CCDC88A: variants seen among roughly 807,000 people sequenced by gnomAD.
The protein encoded by CCDC88A is girdin.
CCDC88A carries 54 observed loss-of-function variants against 234.3 expected under a neutral mutation model. That is an observed-to-expected ratio of 0.23 (90% confidence interval 0.19 to 0.29). The LOEUF (loss-of-function observed/expected upper bound fraction) is 0.29, where lower values mean the gene tolerates loss of function less well. Among genes scored for constraint, CCDC88A ranks in the 10% least tolerant of loss-of-function variants. The pLI is 1.00. For synonymous variants in CCDC88A, 753 were observed against 737.8 expected (o/e 1.02, Z -0.33); for missense variants, 1,832 against 2,123.4 (o/e 0.86, Z 2.70).
chr2:55,418,079 T>G (rs1681770301), intron 2 of CCDC88A: 1 of 152,192 alleles, frequency 6.6e-6, no homozygotes, highest in South Asian at 2.1e-4. Context: ...ACTTTCACTA[T>G]TCAATTCCCA....
intron 29 of CCDC88A, among the ~76,000 whole-genome samples, chr2:55,298,716 CAAA>C (rs961779603): frequency 2.6e-5 from 4 of 151,384 alleles, no homozygotes. Context: ...AACAAAAATA[CAAA>C]AAAACTAGCT....
At chr2:55,323,780 T>G in intron 17 of CCDC88A, 1 of 152,218 alleles carries the variant, frequency 6.6e-6, no homozygotes, top group Non-Finnish European at 1.5e-5. Flanking sequence ...GATGCGATCT[T>G]GGCACCCTGC....
At chr2:55,318,398 T>C (rs537970921) in intron 19 of CCDC88A, among the ~76,000 whole-genome samples, 3 of 151,744 alleles carry the variant, frequency 2.0e-5, no homozygotes, top group East Asian at 1.9e-4. Context: ...CCCCACCTGA[T>C]TGTTCTGTTT....
rs1039658299 is a variant in CCDC88A at position 55,378,585 on chromosome 2, C to T, written c.274-3702G>A. Among the ~76,000 whole-genome samples the T allele has an allele frequency of 1.1e-4, 13 of 113,328 alleles. 1 individual carries two copies. Among genetic ancestry groups the T allele is most frequent in the African/African-American group, 3.6e-4 (13 of 35,688 alleles). The allele number at this position is 113,328 out of a possible 152,430, so 74.3% of individuals were successfully genotyped here. On this transcript the variant is annotated intron_variant, in intron 3 of 32. Transcript: ENST00000436346. ...AAACCTTAGAGTTAATGAGGAAAAA[C>T]TCTATTTTCAAGTATTAAGTTATGT...
intron 25 of CCDC88A, among the ~76,000 whole-genome samples, chr2:55,306,620 C>A (rs1387912366): frequency 6.6e-6 from 1 of 152,172 alleles, no homozygotes; most frequent in Non-Finnish European, 1.5e-5. Context: ...AAGTCTCGCC[C>A]TGTCACCTAG....
At chr2:55,410,248 C>T (rs1680255828) in intron 2 of CCDC88A, among the ~76,000 whole-genome samples, 1 of 152,136 alleles carries the variant, frequency 6.6e-6, no homozygotes, top group African/African-American at 2.4e-5. Flanking sequence ...TGCGTGCATG[C>T]AAGGTGTTCA....
rs1169480335 is a variant in CCDC88A, at chr2:55,416,492, A to ATC, written c.164+2323_164+2324insGA. On this transcript the variant is annotated intron_variant, in intron 2 of 32. Coordinates refer to ENST00000436346, the MANE Select transcript of CCDC88A (RefSeq NM_001365480.1). ...TATATATATATATATATATATGTAT[A>ATC]TATTTTCTTCTAGGAATAATGACTG... is the stretch of plus-strand genomic sequence containing the variant. Among the ~76,000 whole-genome samples the ATC allele has an allele frequency of 3.1e-3, 203 of 66,444 alleles. 7 individuals are homozygous for ATC. The highest frequency in any genetic ancestry group is 5.1e-3 in the East Asian group (10 of 1,948). 43.6% of individuals were successfully genotyped at this position (66,444 alleles called of 152,430 possible). A position where few individuals can be genotyped will look rare whatever the true frequency, so the allele number is the denominator to read the frequency against.
At position 55,315,992 on chromosome 2, in the gene CCDC88A, G is replaced by A; in HGVS notation, c.3869C>T (p.Ser1290Leu). 1 of 1,587,544 alleles carries A rather than the reference G, an allele frequency of 6.3e-7. No individual in the cohort carries two copies. The highest frequency in any genetic ancestry group is 1.2e-5 in the South Asian group (1 of 86,404). The change falls in exon 22 of 33, where the codon TCA becomes TTA. Residue 1290 changes from serine to leucine, a missense_variant. Transcript: ENST00000436346. The stretch of plus-strand genomic sequence containing the variant: ...TTGTTGGTATTGTTCCTTTAGTTTT[G>A]AAAATTCAGCTTCTAATCTTGTTTG... ...LEQTRLEAEF[S>L]KLKEQYQQLD...
At chr2:55,299,157 T>G (rs1680580392) in intron 29 of CCDC88A, among the ~76,000 whole-genome samples, 1 of 151,924 alleles carries the variant, frequency 6.6e-6, no homozygotes, top group Non-Finnish European at 1.5e-5. Flanking sequence ...TGAGCTGAGA[T>G]CACACCACTG....
intron 31 of CCDC88A, chr2:55,294,465 A>G: frequency 1.2e-6 from 1 of 857,904 alleles, no homozygotes; most frequent in Non-Finnish European, 1.4e-6. Flanking sequence ...GGTATTAGTT[A>G]ATATTTGTTA....
chr2:55,375,327 A>G, intron 3 of CCDC88A, among the ~76,000 whole-genome samples: 1 of 151,968 alleles, frequency 6.6e-6, no homozygotes. Context: ...CTAGAAAATT[A>G]AGAAACATTC....
At chr2:55,355,776 T>C in intron 7 of CCDC88A, 25 bp from the exon 8 acceptor site, 1 of 1,583,892 alleles carries the variant, frequency 6.3e-7, no homozygotes, top group Non-Finnish European at 8.7e-7. Context: ...AGAATCACTT[T>C]CAGTATTCTA....
At chr2:55,378,244 G>A (rs1558774074) in intron 3 of CCDC88A, among the ~76,000 whole-genome samples, 1 of 152,166 alleles carries the variant, frequency 6.6e-6, no homozygotes, top group Non-Finnish European at 1.5e-5. Context: ...CTCCCACAAA[G>A]ATGAAAGCAA....
intron 25 of CCDC88A, chr2:55,308,570 T>A: frequency 2.3e-6 from 1 of 433,758 alleles, no homozygotes; most frequent in Non-Finnish European, 4.1e-6. Context: ...CCAGCTCTTA[T>A]TTTAACTTTC....
rs10544955 is a variant in CCDC88A at position 55,383,073 on chromosome 2, GAAA to G, written c.273+5702_273+5704del. The stretch of plus-strand genomic sequence containing the variant: ...TTTACAGGTTCTAAATCATAAAAAT[GAAA>G]AAAAAAAAAAACAAAAGAGTACTGA... On this transcript the variant is annotated intron_variant, in intron 3 of 32. Transcript: ENST00000436346. Among the ~76,000 whole-genome samples the G allele has an allele frequency of 3.5e-3, 510 of 145,062 alleles. 4 individuals are homozygous for G. Among genetic ancestry groups the G allele is most frequent in the African/African-American group, 0.012 (463 of 39,104 alleles).
chr2:55,303,600 C>T (rs1438600497), intron 25 of CCDC88A, among the ~76,000 whole-genome samples: 6 of 152,026 alleles, frequency 3.9e-5, no homozygotes, highest in East Asian at 1.9e-4. Flanking sequence ...AGGCTGGTCT[C>T]GCACTCCCAA....
At chr2:55,373,664 A>G (rs903505741) in intron 4 of CCDC88A, among the ~76,000 whole-genome samples, 1 of 152,184 alleles carries the variant, frequency 6.6e-6, no homozygotes, top group Admixed American at 6.6e-5. Flanking sequence ...TACCAAATGT[A>G]TGTACGATGG....
At chr2:55,408,154 T>A (rs1679913048) in intron 2 of CCDC88A, among the ~76,000 whole-genome samples, 1 of 152,032 alleles carries the variant, frequency 6.6e-6, no homozygotes, top group Non-Finnish European at 1.5e-5. Context: ...ATCCACCCAT[T>A]AGTACTGTCT....
chr2:55,397,039 G>C (rs963263778), intron 2 of CCDC88A, among the ~76,000 whole-genome samples: 44 of 152,012 alleles, frequency 2.9e-4, no homozygotes, highest in African/African-American at 9.4e-4. Context: ...AGTTCACTGT[G>C]GTGATATTTT....
Sources: allele counts gnomAD v4.1 joint callset (sites outside exome capture counted in the v4.1 genomes callset), GRCh38; gene constraint gnomAD v4.1.1; transcripts MANE v1.5; gene names NCBI Gene and HGNC (gene_info 2026-07-23, HGNC 2026-07-21).